Variants in RBFOX1 observed in about 807,000 individuals in gnomAD.
RBFOX1 encodes the protein RNA binding fox-1 homolog 1.
A neutral mutation model predicts 57.7 loss-of-function variants in RBFOX1; 8 were observed. That is an observed-to-expected ratio of 0.14 (90% CI 0.08 to 0.25). The LOEUF is 0.25. RBFOX1 is among the 10% of genes least tolerant of loss of function. The pLI is 1.00. For synonymous variants in RBFOX1, 326 were observed against 222.4 expected, an observed-to-expected ratio of 1.47 and a Z score of -4.15; for missense variants, 611 against 548.5, an observed-to-expected ratio of 1.11 and a Z score of -1.14.
chr16:7,596,079 AT>A (rs2094674764), intron 8 of RBFOX1, among the ~76,000 whole-genome samples: 1 of 68,408 alleles, frequency 1.5e-5, no homozygotes, highest in African/African-American at 6.0e-5. Context: ...AGCAAAAAAG[AT>A]TGTTTTTTTG....
chr16:5,867,828 C>T (rs1487048936), intron 4 of RBFOX1, among the ~76,000 whole-genome samples: 8 of 152,228 alleles, frequency 5.3e-5, no homozygotes, highest in Admixed American at 4.6e-4. Context: ...TCTCCTGCCT[C>T]GGCCTCCTGA....
intron 3 of RBFOX1, among the ~76,000 whole-genome samples, chr16:6,825,584 C>T (rs934830429): frequency 1.3e-5 from 2 of 152,044 alleles, no homozygotes; most frequent in Non-Finnish European, 2.9e-5. Context: ...TTTTGAGTTC[C>T]ATTTTCTCTT....
chr16:6,747,484 C>T (rs13332765), intron 3 of RBFOX1, among the ~76,000 whole-genome samples: 1 of 147,402 alleles, frequency 6.8e-6, no homozygotes, highest in Non-Finnish European at 1.5e-5. Context: ...GTTTATCTAT[C>T]TGTCTATCTG....
intron 1 of RBFOX1, among the ~76,000 whole-genome samples, chr16:6,170,695 G>A (rs1001042939): frequency 3.3e-5 from 5 of 151,988 alleles, no homozygotes; most frequent in Non-Finnish European, 7.4e-5. Flanking sequence ...CATCACCCAA[G>A]TACTAAGCTT....
chr16:7,166,860 T>C (rs1248455278), intron 4 of RBFOX1, among the ~76,000 whole-genome samples: 1 of 151,726 alleles, frequency 6.6e-6, no homozygotes, highest in Non-Finnish European at 1.5e-5. Context: ...TGGTGCAGGA[T>C]CCACGCTGGG....
intron 1 of RBFOX1, among the ~76,000 whole-genome samples, chr16:5,434,227 C>T (rs762143332): frequency 3.3e-5 from 5 of 150,264 alleles, no homozygotes; most frequent in Admixed American, 2.0e-4. Context: ...AGGATGAGGC[C>T]TTAGCAAAAT....
chr16:5,634,860 TAAA>T (rs1289890269), intron 3 of RBFOX1, among the ~76,000 whole-genome samples: 1 of 152,208 alleles, frequency 6.6e-6, no homozygotes, highest in Non-Finnish European at 1.5e-5. Flanking sequence ...GGCAACATCA[TAAA>T]AAAGAGAATC....
intron 6 of RBFOX1, among the ~76,000 whole-genome samples, chr16:7,580,735 C>G (rs1490406656): frequency 1.3e-5 from 2 of 152,174 alleles, no homozygotes; most frequent in Non-Finnish European, 2.9e-5. Context: ...TTTGCCATTT[C>G]TTTGACCAGT....
At chr16:5,877,127 AG>A (rs2057632533) in intron 4 of RBFOX1, among the ~76,000 whole-genome samples, 1 of 152,226 alleles carries the variant, frequency 6.6e-6, no homozygotes, top group African/African-American at 2.4e-5. Flanking sequence ...GATTATATCC[AG>A]GAGGAGGGAA....
chr16:7,102,854 A>AT (rs1157106738), intron 4 of RBFOX1, among the ~76,000 whole-genome samples: 4 of 152,102 alleles, frequency 2.6e-5, no homozygotes, highest in Admixed American at 2.6e-4. Flanking sequence ...TTTCAAAAGA[A>AT]TTTTTCAAAT....
At chr16:5,373,126 G>A (rs1567406964) in intron 1 of RBFOX1, among the ~76,000 whole-genome samples, 2 of 152,308 alleles carry the variant, frequency 1.3e-5, no homozygotes, top group Admixed American at 1.3e-4. Context: ...GGAGGAGGAC[G>A]TGAAATGGAT....
chr16:7,027,321 A>C (rs1005605839), intron 3 of RBFOX1, among the ~76,000 whole-genome samples: 3 of 152,336 alleles, frequency 2.0e-5, no homozygotes, highest in African/African-American at 7.2e-5. Flanking sequence ...TTTAAAATGC[A>C]TTATAGAATT....
chr16:7,486,818 T>A (rs547675636), intron 4 of RBFOX1, among the ~76,000 whole-genome samples: 1 of 152,318 alleles, frequency 6.6e-6, no homozygotes, highest in South Asian at 2.1e-4. Context: ...TGCCTGCCTC[T>A]TCCAGCATCC....
At chr16:7,035,934 C>T (rs1474353198) in intron 3 of RBFOX1, among the ~76,000 whole-genome samples, 4 of 152,126 alleles carry the variant, frequency 2.6e-5, no homozygotes, top group Admixed American at 1.3e-4. Flanking sequence ...ACCACCCAGC[C>T]AACCCTTTCA....
At chr16:5,574,231 G>T (rs558008502) in intron 2 of RBFOX1, among the ~76,000 whole-genome samples, 1 of 152,148 alleles carries the variant, frequency 6.6e-6, no homozygotes, top group African/African-American at 2.4e-5. Context: ...AGAAAGTGCC[G>T]TGATTTCGTA....
At chr16:7,222,311 C>A (rs771949433) in intron 4 of RBFOX1, among the ~76,000 whole-genome samples, 1 of 152,116 alleles carries the variant, frequency 6.6e-6, no homozygotes, top group Non-Finnish European at 1.5e-5. Flanking sequence ...GGCAAGCAGA[C>A]CTAATGTGCA....
At chr16:6,771,815 A>G (rs1482635974) in intron 3 of RBFOX1, among the ~76,000 whole-genome samples, 1 of 152,160 alleles carries the variant, frequency 6.6e-6, no homozygotes, top group Non-Finnish European at 1.5e-5. Flanking sequence ...TGGCAATTGT[A>G]CCAAGACTGA....
At chr16:5,476,782 G>A (rs1345051174) in intron 2 of RBFOX1, among the ~76,000 whole-genome samples, 3 of 152,080 alleles carry the variant, frequency 2.0e-5, no homozygotes, top group Admixed American at 6.5e-5. Context: ...CTTTAACTTC[G>A]AAGTTTCTTC....
At chr16:6,971,771 G>T (rs994432576) in intron 3 of RBFOX1, among the ~76,000 whole-genome samples, 6 of 152,038 alleles carry the variant, frequency 3.9e-5, no homozygotes, top group Non-Finnish European at 7.4e-5. Flanking sequence ...TAAGTGGAGT[G>T]TCCACAGTCC....
Sources: gnomAD v4.1 joint callset for allele counts (sites outside exome capture counted in the v4.1 genomes callset) on GRCh38, gnomAD v4.1.1 for gene constraint, MANE v1.5 for transcripts, NCBI Gene and HGNC (gene_info 2026-07-23, HGNC 2026-07-21) for gene names.